TFR2: variants seen among roughly 807,000 people sequenced by gnomAD.
TFR2 encodes the protein transferrin receptor protein 2.
In TFR2, 64 loss-of-function variants were observed where a neutral mutation model predicts 91.9. The ratio of observed to expected loss-of-function variants is 0.70; its 90% CI spans 0.57 to 0.86. The LOEUF (loss-of-function observed/expected upper bound fraction) is 0.86, where lower values mean the gene tolerates loss of function less well. Among genes scored for constraint, TFR2 ranks in the 40% least tolerant of loss-of-function variants. The pLI is 0.00. For synonymous variants in TFR2, 454 were observed against 459.6 expected, an observed-to-expected ratio of 0.99 and a Z score of 0.15; for missense variants, 950 against 1,080.5, an observed-to-expected ratio of 0.88 and a Z score of 1.69.
intron 9 of TFR2, among the ~76,000 whole-genome samples, chr7:100,629,922 AT>A (rs1285263861): frequency 1.3e-5 from 2 of 151,838 alleles, no homozygotes; most frequent in African/African-American, 2.4e-5. Context: ...ATTTTTTTGT[AT>A]TTTTAGTAGA....
At chr7:100,633,588 C>A (rs1307676658) in intron 3 of TFR2, 32 bp from the exon 4 acceptor site, 5 of 1,579,440 alleles carry the variant, frequency 3.2e-6, no homozygotes, top group Admixed American at 3.4e-5. Context: ...CTTTTCTGGG[C>A]GCCCGGAGGA....
chr7:100,625,171 T>C (rs1197052514), intron 17 of TFR2, among the ~76,000 whole-genome samples: 1 of 151,102 alleles, frequency 6.6e-6, no homozygotes, highest in Non-Finnish European at 1.5e-5. Flanking sequence ...GTGATTCTCC[T>C]GCCTCAGCCT....
At position 100,632,192 on chromosome 7, in the gene TFR2, T is replaced by C. The variant is rs535405264; in HGVS notation, c.856A>G (p.Asn286Asp). The C allele has an allele frequency of 6.2e-7, 1 of 1,614,072 alleles. No homozygotes were observed. The highest frequency in any genetic ancestry group is 2.2e-5 in the East Asian group (1 of 44,870). ...CCTTGAGCCCCGAAGTCCTGAGCATTGGTCACCTGGGGAGGAAGGTGACTA... is the reference window on the plus strand; with the variant it reads ...CCTTGAGCCCCGAAGTCCTGAGCATCGGTCACCTGGGGAGGAAGGTGACTA... ...GVISFAQKVT[N>D]AQDFGAQGVL... The change falls in exon 7 of 18, where the codon AAT becomes GAT. Residue 286 changes from asparagine (N) to aspartate (D), a missense_variant. Physicochemically the swap from Asn to Asp is conservative, Grantham distance 23. Coordinates refer to ENST00000223051, the MANE Select transcript of TFR2 (RefSeq NM_003227.4).
intron 17 of TFR2, 31 bp downstream of exon 17, chr7:100,626,732 T>TG (rs759907892): frequency 3.0e-4 from 395 of 1,302,356 alleles, no homozygotes; most frequent in Middle Eastern, 8.1e-4. Context: ...GGCGGGACAC[T>TG]GGGGGCGGGG....
At position 100,633,291 on chromosome 7, in the gene TFR2, C is replaced by T. The variant is rs753607265; in HGVS notation, c.664G>A (p.Glu222Lys). The T allele has an allele frequency of 1.9e-5, 30 of 1,613,656 alleles. No individual in the cohort carries two copies. Among genetic ancestry groups the T allele is most frequent in the South Asian group, 1.6e-4 (15 of 91,074 alleles). ...TCAGGGTCCTCCAGCGGCAGCTGCTCTCCGACCTTCCCGGCCTCATCGACC... is the reference window on the plus strand; with the variant it reads ...TCAGGGTCCTCCAGCGGCAGCTGCTTTCCGACCTTCCCGGCCTCATCGACC... ...HWVDEAGKVGEQLPLEDPDVY... is the reference protein window; with the variant it reads ...HWVDEAGKVGKQLPLEDPDVY... The change falls in exon 5 of 18, where the codon GAG becomes AAG. Residue 222 changes from glutamate (E) to lysine (K), a missense_variant. Physicochemically the swap from Glu to Lys is moderately conservative, Grantham distance 56. Transcript: ENST00000223051.
Position 100,621,000 on chromosome 7 carries a change from T to C in TFR2, c.2263A>G (p.Ser755Gly), listed in dbSNP as rs1363518078. 1 of 1,608,454 alleles carries C rather than the reference T, an allele frequency of 6.2e-7. No individual in the cohort carries two copies. The highest frequency in any genetic ancestry group is 2.2e-5 in the East Asian group (1 of 44,556). ...LDHLRLLRSN[S>G]SGTPGATSST... ...GAGGTGGCCCCGGGGGTCCCGGAGC[T>C]GTTGGAGCGCAGCAGCCGCAGGTGG... Residue 755 changes from serine to glycine, a missense_variant, in exon 18 of 18, where the codon AGC (serine) becomes GGC (glycine). Coordinates refer to ENST00000223051, the MANE Select transcript of TFR2 (RefSeq NM_003227.4).
At chr7:100,626,696 T>C in intron 17 of TFR2, 67 bp downstream of exon 17, 1 of 1,521,084 alleles carries the variant, frequency 6.6e-7, no homozygotes, top group Non-Finnish European at 8.8e-7. Flanking sequence ...CGGGGCCAGG[T>C]CCAGGAGGTG....
chr7:100,623,973 T>G (rs1803187424), intron 17 of TFR2, among the ~76,000 whole-genome samples: 1 of 151,450 alleles, frequency 6.6e-6, no homozygotes, highest in Non-Finnish European at 1.5e-5. Context: ...GGAGAATCAC[T>G]TGAACCCGAC....
intron 3 of TFR2, among the ~76,000 whole-genome samples, chr7:100,638,282 T>A (rs935111665): frequency 6.7e-6 from 1 of 150,096 alleles, no homozygotes; most frequent in South Asian, 2.2e-4. Flanking sequence ...GGATTACAGG[T>A]GTGAGCCACC....
chr7:100,621,155 T>G lies in TFR2; in HGVS notation c.2137-29A>C, dbSNP rs751420435. On this transcript the variant is annotated intron_variant, in intron 17 of 17. Transcript: ENST00000223051. ...CGCAGAGAGGGGGATCAGGTCAGGG[T>G]TGGGGGCTCTGGCTCGGGAGCAAAG... 158 of 1,465,468 alleles carry G rather than the reference T, an allele frequency of 1.1e-4. 1 individual carries two copies. The highest frequency in any genetic ancestry group is 1.8e-4 in the Admixed American group (7 of 39,922). 90.8% of individuals were successfully genotyped at this position (1,465,468 alleles called of 1,614,324 possible).
chr7:100,627,246 G>C lies in TFR2; in HGVS notation c.1995+18C>G. 8 of 1,547,680 alleles carry C rather than the reference G, an allele frequency of 5.2e-6. No homozygotes were observed. The highest frequency in any genetic ancestry group is 7.0e-6 in the Non-Finnish European group (8 of 1,145,752). On this transcript the variant is annotated intron_variant, in intron 16 of 17. Coordinates refer to ENST00000223051, the MANE Select transcript of TFR2 (RefSeq NM_003227.4). ...CCTCCCACTCCCAGAGACCAAGAGC[G>C]GGGTGGGCCTCTTGAACCTTGAGGT...
rs191575182 is a variant in TFR2, at chr7:100,635,077, C to T, written c.474-1521G>A. Reference sequence around the variant, plus strand: ...CCTCAGCCTCCTGAGTAGCTAGGACCACAGGCGCCTACCACCACACTCAGC... The same window carrying T: ...CCTCAGCCTCCTGAGTAGCTAGGACTACAGGCGCCTACCACCACACTCAGC... On this transcript the variant is annotated intron_variant, in intron 3 of 17. Coordinates refer to ENST00000223051, the MANE Select transcript of TFR2 (RefSeq NM_003227.4). Among the ~76,000 whole-genome samples the T allele has an allele frequency of 3.2e-3, 476 of 147,344 alleles. 2 individuals carry two copies. Among genetic ancestry groups the T allele is most frequent in the African/African-American group, 0.011 (446 of 39,862 alleles).
In TFR2 at chr7:100,620,584, C is replaced by T. The variant is rs942528868; in HGVS notation, c.*273G>A. 4 of 428,794 alleles carry T rather than the reference C, an allele frequency of 9.3e-6. No individual in the cohort carries two copies. Among genetic ancestry groups the T allele is most frequent in the Non-Finnish European group, 1.7e-5 (4 of 233,304 alleles). The allele number at this position is 428,794 out of a possible 1,614,324, so 26.6% of individuals were successfully genotyped here. On this transcript the variant is annotated 3_prime_UTR_variant, in exon 18 of 18. Coordinates refer to ENST00000223051, the MANE Select transcript of TFR2 (RefSeq NM_003227.4). ...CAGAGTGGTCTCTAGGTATGGAGGA[C>T]CCCAGAAAGGGGAAGGGGCTGTGAT...
rs1322910781 is a variant in TFR2, at chr7:100,627,681, A to G, written c.1683-20T>C. 8 of 1,613,882 alleles carry G rather than the reference A, an allele frequency of 5.0e-6. No homozygotes were observed. Among genetic ancestry groups the G allele is most frequent in the Non-Finnish European group, 6.8e-6 (8 of 1,179,920 alleles). Reference sequence around the variant, plus strand: ...CGGATCCTGGGGGCAGGTGGGTTGGAGCGATCTGTGGGTTCAGGCTCCCCC... The same window carrying G: ...CGGATCCTGGGGGCAGGTGGGTTGGGGCGATCTGTGGGTTCAGGCTCCCCC... On this transcript the variant is annotated intron_variant, in intron 14 of 17. Transcript: ENST00000223051.
intron 1 of TFR2, 48 bp from the exon 2 acceptor site, chr7:100,641,276 TG>T: frequency 8.4e-7 from 1 of 1,192,738 alleles, no homozygotes; most frequent in Non-Finnish European, 1.1e-6. Context: ...GCCTGGGGGG[TG>T]GGGAGGCATC....
At position 100,640,450 on chromosome 7, in the gene TFR2, T is replaced by A. The variant is rs1007584585; in HGVS notation, c.473+236A>T. ...GCTGCACCCCTCTGATCTCAGACAG[T>A]CAGCTCCCTCACCTCCCAAATATGC... On this transcript the variant is annotated intron_variant, in intron 3 of 17. Coordinates refer to ENST00000223051, the MANE Select transcript of TFR2 (RefSeq NM_003227.4). 3 of 579,184 alleles carry A rather than the reference T, an allele frequency of 5.2e-6. No individual in the cohort carries two copies. The Admixed American group carries it at 9.1e-5, about 18-fold the overall frequency. The allele number at this position is 579,184 out of a possible 1,614,324, so 35.9% of individuals were successfully genotyped here. A position where few individuals can be genotyped will look rare whatever the true frequency, so the allele number is the denominator to read the frequency against.
chr7:100,626,205 G>A (rs963165333), intron 17 of TFR2, among the ~76,000 whole-genome samples: 6 of 152,104 alleles, frequency 3.9e-5, no homozygotes, highest in African/African-American at 1.4e-4. Context: ...ACTGGAGGTG[G>A]GGTGTGGGCT....
In TFR2 at chr7:100,628,216, C is replaced by T. The variant is rs759461055; in HGVS notation, c.1473+8G>A. The stretch of plus-strand genomic sequence containing the variant: ...ATGCCTAACGACCTGCCCGGGACCC[C>T]GTATCACCTCTAGCCACTCCGTGGA... On this transcript the variant is annotated splice_region_variant and intron_variant, in intron 11 of 17. Coordinates refer to ENST00000223051, the MANE Select transcript of TFR2 (RefSeq NM_003227.4). 1.6e-5 allele frequency: 26 copies of T among 1,613,716 alleles called. No individual in the cohort carries two copies. The highest frequency in any genetic ancestry group is 8.9e-5 in the East Asian group (4 of 44,868).
chr7:100,633,286 C>T lies in TFR2; in HGVS notation c.669G>A (p.Gln223=). 1 of 1,613,760 alleles carries T rather than the reference C, an allele frequency of 6.2e-7. No homozygotes were observed. The highest frequency in any genetic ancestry group is 8.5e-7 in the Non-Finnish European group (1 of 1,179,866). The change falls in exon 5 of 18, where the codon CAG becomes CAA. Residue 223 remains glutamine, a synonymous_variant. Coordinates refer to ENST00000223051, the MANE Select transcript of TFR2 (RefSeq NM_003227.4). ...WVDEAGKVGE[Q]LPLEDPDVYC... Reference sequence around the variant, plus strand: ...AGACGTCAGGGTCCTCCAGCGGCAGCTGCTCTCCGACCTTCCCGGCCTCAT... The same window carrying T: ...AGACGTCAGGGTCCTCCAGCGGCAGTTGCTCTCCGACCTTCCCGGCCTCAT...
Sources: allele counts gnomAD v4.1 joint callset (sites outside exome capture counted in the v4.1 genomes callset), GRCh38; gene constraint gnomAD v4.1.1; transcripts MANE v1.5; gene names NCBI Gene and HGNC (gene_info 2026-07-23, HGNC 2026-07-21).